The following ANKS1B variants were observed in gnomAD, a reference collection of about 807,000 sequenced individuals.
ANKS1B encodes ankyrin repeat and sterile alpha motif domain-containing protein 1B.
ANKS1B carries 36 observed loss-of-function variants against 148.3 expected under a neutral mutation model. The ratio of observed to expected loss-of-function variants is 0.24; its 90% CI spans 0.19 to 0.32. The LOEUF (loss-of-function observed/expected upper bound fraction) is 0.32. ANKS1B is among the 10% of genes least tolerant of loss of function. The pLI is 1.00. For synonymous variants in ANKS1B, 542 were observed against 560.8 expected (o/e 0.97, Z 0.47); for missense variants, 1,157 against 1,542.6 (o/e 0.75, Z 4.19).
Position 99,908,355 on chromosome 12 carries a change from A to G in ANKS1B, c.134+75749T>C, listed in dbSNP as rs529579910. On this transcript the variant is annotated intron_variant, in intron 1 of 26. Coordinates refer to ENST00000683438, the MANE Select transcript of ANKS1B (RefSeq NM_001352186.2). ...AGCAATTTGGGAGGCTGAGGCTGGCAGATCGCTTGAGCTCAAAAGTTGGAG... is the reference window on the plus strand; with the variant it reads ...AGCAATTTGGGAGGCTGAGGCTGGCGGATCGCTTGAGCTCAAAAGTTGGAG... 2.6e-5 allele frequency among the ~76,000 whole-genome samples: 4 copies of G among 152,154 alleles called. No homozygotes were observed. The East Asian group carries it at 7.7e-4, about 29-fold the overall frequency.
chr12:99,538,440 T>C (rs1478329249), intron 9 of ANKS1B, among the ~76,000 whole-genome samples: 1 of 152,120 alleles, frequency 6.6e-6, no homozygotes, highest in Non-Finnish European at 1.5e-5. Context: ...TCTGTGTCAA[T>C]GGTTTATAGT....
At chr12:99,876,778 CTG>C (rs1406922405) in intron 1 of ANKS1B, among the ~76,000 whole-genome samples, 6 of 151,174 alleles carry the variant, frequency 4.0e-5, no homozygotes, top group African/African-American at 1.5e-4. Context: ...GCAAAGAACA[CTG>C]TATGTTTGGA....
At chr12:98,785,622 C>A (rs1297059316) in intron 22 of ANKS1B, among the ~76,000 whole-genome samples, 1 of 152,136 alleles carries the variant, frequency 6.6e-6, no homozygotes, top group Non-Finnish European at 1.5e-5. Flanking sequence ...GGGCTTCAGT[C>A]CAATCACAGG....
intron 9 of ANKS1B, among the ~76,000 whole-genome samples, chr12:99,553,046 G>A (rs1473966936): frequency 1.3e-5 from 2 of 152,126 alleles, no homozygotes; most frequent in African/African-American, 2.4e-5. Flanking sequence ...AGCTTCAACA[G>A]CTGTAAACAT....
At chr12:98,741,269 C>A (rs757653541), downstream of ANKS1B, among the ~76,000 whole-genome samples, 4 of 152,314 alleles carry the variant, frequency 2.6e-5, no homozygotes, top group South Asian at 6.2e-4. Context: ...AACACTCTTT[C>A]TTTCTCCTGA....
chr12:99,463,462 G>A (rs913865215), intron 10 of ANKS1B, among the ~76,000 whole-genome samples: 22 of 152,320 alleles, frequency 1.4e-4, no homozygotes, highest in South Asian at 8.3e-4. Context: ...GCAGCACACC[G>A]TGCGCGAGCC....
At chr12:99,712,094 A>C (rs576742402) in intron 8 of ANKS1B, among the ~76,000 whole-genome samples, 143 of 152,350 alleles carry the variant, frequency 9.4e-4, no homozygotes, top group African/African-American at 3.3e-3. Context: ...TAATGCAAGA[A>C]CAGAAAACCA....
chr12:99,927,782 T>A (rs1287934734), intron 1 of ANKS1B, among the ~76,000 whole-genome samples: 1 of 152,064 alleles, frequency 6.6e-6, no homozygotes, highest in Admixed American at 6.6e-5. Flanking sequence ...ACCCCATCTC[T>A]TTAAAAGAAA....
Position 99,246,342 on chromosome 12 carries a change from G to A in ANKS1B, c.2279C>T (p.Ser760Phe), listed in dbSNP as rs778481673. The change falls in exon 13 of 27, where the codon TCC becomes TTC. Residue 760 changes from serine (S) to phenylalanine (F), a missense_variant. Ser to Phe is a radical substitution (Grantham distance 155, BLOSUM62 -2). Transcript: ENST00000683438. ...CCCTTTAGAACTGTGTTCAGCAGTGGAAGATTCACTCCAGTTAACTCTTGA... is the reference window on the plus strand; with the variant it reads ...CCCTTTAGAACTGTGTTCAGCAGTGAAAGATTCACTCCAGTTAACTCTTGA... ...KTSRVNWSESSTAEHSSKGNS... is the reference protein window; with the variant it reads ...KTSRVNWSESFTAEHSSKGNS... The A allele has an allele frequency of 6.2e-7, 1 of 1,613,270 alleles. No homozygotes were observed. Among genetic ancestry groups the A allele is most frequent in the Non-Finnish European group, 8.5e-7 (1 of 1,179,598 alleles).
intron 1 of ANKS1B, among the ~76,000 whole-genome samples, chr12:99,851,680 C>A (rs1174673264): frequency 6.6e-6 from 1 of 152,064 alleles, no homozygotes; most frequent in Non-Finnish European, 1.5e-5. Context: ...AATGTACTAT[C>A]TCTTATAATG....
chr12:99,623,996 C>T lies in ANKS1B; in HGVS notation c.1272+31071G>A, dbSNP rs539096833. Among the ~76,000 whole-genome samples the T allele has an allele frequency of 1.5e-3, 226 of 152,124 alleles. 1 individual carries two copies. Among genetic ancestry groups the T allele is most frequent in the African/African-American group, 5.1e-3 (210 of 41,536 alleles). ...AAGTTGGATACATCTTATTACCCAA[C>T]GTTGAACTATGCTATAAGGCTATAG... On this transcript the variant is annotated intron_variant, in intron 9 of 26. Transcript: ENST00000683438.
intron 8 of ANKS1B, among the ~76,000 whole-genome samples, chr12:99,734,444 C>A (rs541421570): frequency 3.3e-5 from 5 of 152,270 alleles, no homozygotes; most frequent in African/African-American, 9.6e-5. Context: ...CAGGCATGCG[C>A]CACCACGCAT....
intron 2 of ANKS1B, among the ~76,000 whole-genome samples, chr12:99,823,042 T>C (rs988354184): frequency 6.6e-6 from 1 of 152,230 alleles, no homozygotes; most frequent in African/African-American, 2.4e-5. Context: ...TGACGATTAG[T>C]GATGTTGAGC....
rs191350132 is a variant in ANKS1B at position 98,944,677 on chromosome 12, A to T, written c.2778+108480T>A. Among the ~76,000 whole-genome samples, 127 of 152,354 alleles carry T rather than the reference A, an allele frequency of 8.3e-4. 1 individual carries two copies. Among genetic ancestry groups the T allele is most frequent in the Non-Finnish European group, 1.6e-3 (106 of 68,022 alleles). On this transcript the variant is annotated intron_variant, in intron 17 of 26. Coordinates refer to ENST00000683438, the MANE Select transcript of ANKS1B (RefSeq NM_001352186.2). The stretch of plus-strand genomic sequence containing the variant: ...GTCTGTCCCCTCACTGCCCCTGAAA[A>T]AAAGAAAAATATCCTAAGATGCAAA...
At chr12:99,047,390 ACT>A (rs1388309332) in intron 17 of ANKS1B, among the ~76,000 whole-genome samples, 2 of 152,144 alleles carry the variant, frequency 1.3e-5, no homozygotes, top group Non-Finnish European at 2.9e-5. Flanking sequence ...AGAGAATAAG[ACT>A]CTGTCTCAGA....
chr12:99,608,955 G>C (rs375278911), intron 9 of ANKS1B, among the ~76,000 whole-genome samples: 2 of 152,074 alleles, frequency 1.3e-5, no homozygotes, highest in African/African-American at 4.8e-5. Context: ...AGAAGAAATG[G>C]AAAGAAGAGG....
intron 12 of ANKS1B, among the ~76,000 whole-genome samples, chr12:99,281,828 G>A (rs967405541): frequency 6.6e-6 from 1 of 152,162 alleles, no homozygotes; most frequent in Non-Finnish European, 1.5e-5. Context: ...AATTAAACAA[G>A]TGTGTACTGA....
chr12:98,966,272 T>C (rs974580090), intron 17 of ANKS1B, among the ~76,000 whole-genome samples: 32 of 152,218 alleles, frequency 2.1e-4, no homozygotes, highest in Middle Eastern at 3.4e-3. Flanking sequence ...AGAAGACATT[T>C]ATGCAGCCCA....
At chr12:99,511,057 T>A (rs2096760807) in intron 9 of ANKS1B, among the ~76,000 whole-genome samples, 2 of 151,994 alleles carry the variant, frequency 1.3e-5, no homozygotes, top group Non-Finnish European at 2.9e-5. Flanking sequence ...CTTCCAATAC[T>A]ATGTTGAATA....
Sources: allele counts gnomAD v4.1 joint callset (sites outside exome capture counted in the v4.1 genomes callset), GRCh38; gene constraint gnomAD v4.1.1; transcripts MANE v1.5; gene names NCBI Gene and HGNC (gene_info 2026-07-23, HGNC 2026-07-21).